The following ZNF438 variants were observed in gnomAD, a reference collection of about 807,000 sequenced individuals.
ZNF438 encodes zinc finger protein 438.
Under a neutral mutation model 38.0 loss-of-function variants are expected in ZNF438, and 25 were observed. That is an observed-to-expected ratio of 0.66 (90% CI 0.48 to 0.92). ZNF438 has a LOEUF of 0.92. Among genes scored for constraint, ZNF438 ranks in the 40% least tolerant of loss-of-function variants. The pLI is 0.00. For missense variants in ZNF438, 1,007 were observed against 999.6 expected (o/e 1.01, Z -0.10); for synonymous variants, 372 against 364.1 (o/e 1.02, Z -0.25).
intron 1 of ZNF438, chr10:30,999,221 C>T (rs1158961971): frequency 1.3e-5 from 2 of 152,170 alleles, no homozygotes; most frequent in African/African-American, 4.8e-5. Context: ...CCTTGTAAAA[C>T]CATATGCATA....
chr10:30,961,562 A>C (rs938153170), intron 1 of ZNF438, among the ~76,000 whole-genome samples: 1 of 146,110 alleles, frequency 6.8e-6, no homozygotes, highest in Non-Finnish European at 1.6e-5. Context: ...TTTAAATTTG[A>C]TAGAATCCCT....
chr10:30,955,769 C>A (rs181809735), intron 1 of ZNF438, among the ~76,000 whole-genome samples: 7 of 152,262 alleles, frequency 4.6e-5, no homozygotes, highest in African/African-American at 1.4e-4. Context: ...AATATTGGGG[C>A]ATTTTATTAG....
intron 1 of ZNF438, among the ~76,000 whole-genome samples, chr10:30,972,342 C>T (rs981549447): frequency 3.3e-5 from 5 of 152,140 alleles, no homozygotes; most frequent in Non-Finnish European, 7.3e-5. Flanking sequence ...TTAAGGAGTG[C>T]TATAATTAAA....
chr10:30,947,767 G>A (rs1023718710), intron 1 of ZNF438, among the ~76,000 whole-genome samples: 2 of 152,170 alleles, frequency 1.3e-5, no homozygotes, highest in African/African-American at 2.4e-5. Flanking sequence ...CGCAGTATTC[G>A]GGAGGGAGTA....
intron 2 of ZNF438, among the ~76,000 whole-genome samples, chr10:30,925,349 C>T (rs1017405909): frequency 6.6e-6 from 1 of 152,188 alleles, no homozygotes; most frequent in Non-Finnish European, 1.5e-5. Flanking sequence ...GGGAAGATTA[C>T]TTGCTTTTGC....
intron 1 of ZNF438, among the ~76,000 whole-genome samples, chr10:30,995,745 A>T (rs183209734): frequency 2.6e-5 from 4 of 152,336 alleles, no homozygotes; most frequent in Admixed American, 2.0e-4. Context: ...GCACAAAAGA[A>T]GCAGGTGAGA....
At chr10:30,993,868 A>G (rs562993820) in intron 1 of ZNF438, among the ~76,000 whole-genome samples, 1 of 152,368 alleles carries the variant, frequency 6.6e-6, no homozygotes, top group African/African-American at 2.4e-5. Context: ...CCAACCCTGC[A>G]CCCGTGTGCC....
intron 2 of ZNF438, among the ~76,000 whole-genome samples, chr10:30,928,384 A>G (rs1281467426): frequency 6.6e-6 from 1 of 152,180 alleles, no homozygotes; most frequent in African/African-American, 2.4e-5. Context: ...AGAAAATAAC[A>G]TTCAGGATTC....
chr10:31,005,453 A>G (rs1020386088), intron 1 of ZNF438, among the ~76,000 whole-genome samples: 5 of 152,206 alleles, frequency 3.3e-5, no homozygotes, highest in Non-Finnish European at 7.3e-5. Flanking sequence ...AAAAAAGAAA[A>G]GAAAAAGAAA....
intron 1 of ZNF438, among the ~76,000 whole-genome samples, chr10:30,942,902 C>T (rs931510359): frequency 8.5e-5 from 13 of 152,180 alleles, no homozygotes; most frequent in South Asian, 2.1e-4. Context: ...AAGAAGAGAG[C>T]GCCCTGTCCT....
intron 1 of ZNF438, among the ~76,000 whole-genome samples, chr10:30,994,731 T>C (rs1402550710): frequency 6.6e-6 from 1 of 152,036 alleles, no homozygotes; most frequent in Non-Finnish European, 1.5e-5. Flanking sequence ...GCAGAAATAA[T>C]ACTTAAAGAA....
intron 1 of ZNF438, among the ~76,000 whole-genome samples, chr10:30,951,796 A>G (rs1487484193): frequency 6.7e-6 from 1 of 149,464 alleles, no homozygotes; most frequent in Admixed American, 6.7e-5. Flanking sequence ...TGTAGGAAGA[A>G]TCAATACCAT....
intron 3 of ZNF438, among the ~76,000 whole-genome samples, chr10:30,903,669 G>T (rs2042285796): frequency 6.6e-6 from 1 of 152,136 alleles, no homozygotes; most frequent in South Asian, 2.1e-4. Context: ...ACTGCTTGAG[G>T]TTGAGCCTTT....
At chr10:30,904,838 C>T (rs112216428) in intron 3 of ZNF438, among the ~76,000 whole-genome samples, 3,093 of 152,220 alleles carry the variant, frequency 0.02, 51 homozygotes, top group South Asian at 0.065. Flanking sequence ...TCCTTTGGAT[C>T]GCAAAGGAAA....
exon 5 of ZNF438, chr10:30,850,080 G>C: frequency 3.7e-6 from 6 of 1,614,126 alleles, no homozygotes; most frequent in Non-Finnish European, 5.1e-6. Context: ...GACATTCTGG[G>C]TTTCTGAATT....
chr10:30,899,759 T>C (rs2041772911), intron 3 of ZNF438, among the ~76,000 whole-genome samples: 1 of 152,122 alleles, frequency 6.6e-6, no homozygotes, highest in African/African-American at 2.4e-5. Context: ...TTGGCATGTA[T>C]ATACTTACAC....
chr10:30,973,157 A>AC (rs2050937473), intron 1 of ZNF438, among the ~76,000 whole-genome samples: 1 of 152,252 alleles, frequency 6.6e-6, no homozygotes, highest in Non-Finnish European at 1.5e-5. Flanking sequence ...CTGAAAGTAT[A>AC]GGCACCTTGA....
rs1215719160 is a variant in ZNF438 at position 30,961,789 on chromosome 10, G to T, written c.-191-20138C>A. ...TGTGATCCTAGCTACTCAGGAGGCT[G>T]AGGCAGCAGAATCGCTTGAACCCGG... On this transcript the variant is annotated intron_variant, in intron 1 of 5. Transcript: ENST00000413025. 1.4e-5 allele frequency among the ~76,000 whole-genome samples: 2 copies of T among 145,244 alleles called. 1 individual carries two copies. The highest frequency in any genetic ancestry group is 3.1e-5 in the Non-Finnish European group (2 of 64,088).
At chr10:30,931,228 T>C (rs1170532595) in intron 2 of ZNF438, among the ~76,000 whole-genome samples, 1 of 152,212 alleles carries the variant, frequency 6.6e-6, no homozygotes, top group Non-Finnish European at 1.5e-5. Context: ...GTCATCTTAC[T>C]GACCATGCCT....
Sources: gnomAD v4.1 joint callset for allele counts (sites outside exome capture counted in the v4.1 genomes callset) on GRCh38, gnomAD v4.1.1 for gene constraint, MANE v1.5 for transcripts, NCBI Gene and HGNC (gene_info 2026-07-23, HGNC 2026-07-21) for gene names.